The following ZNF264 variants were observed in gnomAD, a reference collection of about 807,000 sequenced individuals.
ZNF264 encodes zinc finger protein 264.
A neutral mutation model predicts 11.2 loss-of-function variants in ZNF264; 11 were observed. That is an observed-to-expected ratio of 0.98 (90% CI 0.62 to 1.63). The LOEUF (loss-of-function observed/expected upper bound fraction) is 1.63, where lower values mean the gene tolerates loss of function less well. ZNF264 is among the 40% of genes most tolerant of loss of function. The probability of loss-of-function intolerance (pLI) is 0.00; values close to 1 mark genes in which losing one functional copy is unlikely to be tolerated. For synonymous variants in ZNF264, 309 were observed against 279.8 expected (o/e 1.10, Z -1.04); for missense variants, 752 against 768.1 (o/e 0.98, Z 0.25).
In ZNF264 at chr19:57,212,986, A is replaced by G. The variant is rs750313428; in HGVS notation, c.*5A>G. ...CCACAAGTGTCTTCACTGTGAGAAA[A>G]CCTTCTGTTGCTGAATATTACTTGT... On this transcript the variant is annotated 3_prime_UTR_variant, in exon 4 of 4. Coordinates refer to ENST00000263095, the MANE Select transcript of ZNF264 (RefSeq NM_003417.5). 1.9e-6 allele frequency: 3 copies of G among 1,598,374 alleles called. No individual in the cohort carries two copies. The highest frequency in any genetic ancestry group is 2.6e-6 in the Non-Finnish European group (3 of 1,170,294).
chr19:57,203,182 A>G (rs2122748880), intron 2 of ZNF264, among the ~76,000 whole-genome samples: 1 of 152,230 alleles, frequency 6.6e-6, no homozygotes, highest in African/African-American at 2.4e-5. Context: ...GAGTAATTTC[A>G]GTGAGGTTTG....
chr19:57,212,603 G>A lies in ZNF264; in HGVS notation c.1506G>A (p.Lys502=), dbSNP rs1317135287. The A allele has an allele frequency of 6.2e-7, 1 of 1,614,036 alleles. No individual in the cohort carries two copies. Among genetic ancestry groups the A allele is most frequent in the Admixed American group, 1.7e-5 (1 of 60,008 alleles). ...GCATGTCGGGCCTCACGAGGCACAA[G>A]CGGATTCATAGTGGAGAGAAGCCCT... ...FTRMSGLTRH[K]RIHSGEKPYE... is the part of the protein sequence containing the mutation. Residue 502 remains lysine, a synonymous_variant, in exon 4 of 4, where the codon AAG becomes AAA. Coordinates refer to ENST00000263095, the MANE Select transcript of ZNF264 (RefSeq NM_003417.5).
At chr19:57,192,661 G>C in intron 1 of ZNF264, 1 of 731,738 alleles carries the variant, frequency 1.4e-6, no homozygotes, top group Non-Finnish European at 1.7e-6. Context: ...CGTTCCCCAA[G>C]TAGATGCAGC....
chr19:57,192,506 C>T, intron 1 of ZNF264: 1 of 985,360 alleles, frequency 1.0e-6, no homozygotes, highest in African/African-American at 1.7e-5. Context: ...TTCCGTGGCC[C>T]CAAAGTATCC....
intron 2 of ZNF264, among the ~76,000 whole-genome samples, chr19:57,194,562 C>T (rs961183441): frequency 1.3e-5 from 2 of 152,216 alleles, no homozygotes; most frequent in Non-Finnish European, 2.9e-5. Flanking sequence ...AGCTGAAGAA[C>T]TTGGTGTCCA....
chr19:57,192,787 A>G (rs930143488), intron 1 of ZNF264, among the ~76,000 whole-genome samples: 2 of 152,092 alleles, frequency 1.3e-5, no homozygotes, highest in African/African-American at 4.8e-5. Flanking sequence ...GCTGGAGTAC[A>G]GTGGTGCACT....
chr19:57,211,218 C>A, intron 3 of ZNF264, 136 bp from the exon 4 acceptor site: 1 of 937,418 alleles, frequency 1.1e-6, no homozygotes, highest in Non-Finnish European at 1.5e-6. Context: ...AAATTGCAAA[C>A]CCAAGAATTT....
intron 1 of ZNF264, among the ~76,000 whole-genome samples, chr19:57,192,795 A>T (rs1456838297): frequency 6.6e-6 from 1 of 151,758 alleles, no homozygotes; most frequent in Non-Finnish European, 1.5e-5. Context: ...ACAGTGGTGC[A>T]CTCTCAGCTC....
chr19:57,194,707 A>G, intron 2 of ZNF264: 1 of 398,094 alleles, frequency 2.5e-6, no homozygotes, highest in Non-Finnish European at 4.4e-6. Flanking sequence ...GTGCCCACCC[A>G]GATTAAGGGG....
Position 57,212,160 on chromosome 19 carries a change from A to G in ZNF264, c.1063A>G (p.Arg355Gly), listed in dbSNP as rs2087342898. The G allele has an allele frequency of 1.1e-5, 18 of 1,614,170 alleles. No individual in the cohort carries two copies. The highest frequency in any genetic ancestry group is 1.6e-4 in the Middle Eastern group (1 of 6,062). ...CLECGKVFKH[R>G]SYLMWHQQTH... Reference sequence around the variant, plus strand: ...GGAGTGTGGCAAGGTCTTCAAACACAGGTCATATCTCATGTGGCACCAGCA... The same window carrying G: ...GGAGTGTGGCAAGGTCTTCAAACACGGGTCATATCTCATGTGGCACCAGCA... Residue 355 changes from arginine to glycine, a missense_variant, in exon 4 of 4, where the codon AGG becomes GGG. Transcript: ENST00000263095.
intron 2 of ZNF264, among the ~76,000 whole-genome samples, chr19:57,199,646 T>A (rs2087236723): frequency 6.6e-6 from 1 of 151,832 alleles, no homozygotes. Flanking sequence ...ACCCTTAATA[T>A]CCATTCCCGT....
At chr19:57,203,597 T>A (rs2087269220) in intron 2 of ZNF264, among the ~76,000 whole-genome samples, 1 of 152,154 alleles carries the variant, frequency 6.6e-6, no homozygotes, top group Admixed American at 6.6e-5. Context: ...TTTTATGAAA[T>A]GTTGGTGAGA....
In ZNF264 at chr19:57,212,328, C is replaced by T. The variant is rs554438584; in HGVS notation, c.1231C>T (p.Arg411Ter). The T allele has an allele frequency of 9.3e-6, 15 of 1,606,274 alleles. No homozygotes were observed. The highest frequency in any genetic ancestry group is 1.1e-5 in the South Asian group (1 of 90,694). ...CLECGKAFNH[R>*]SYLKRHQRIH... is the part of the protein sequence containing the mutation. ...CGAGTGTGGGAAGGCTTTCAACCAC[C>T]GATCCTACCTCAAGAGGCACCAGCG... Residue 411 changes from arginine (R) to a stop codon, truncating the protein, a stop_gained, in exon 4 of 4, where the codon CGA (arginine) becomes TGA (stop). Transcript: ENST00000263095. LOFTEE classifies it low-confidence loss of function (END_TRUNC).
chr19:57,205,107 A>T (rs1300699735), intron 2 of ZNF264, among the ~76,000 whole-genome samples: 2 of 152,148 alleles, frequency 1.3e-5, no homozygotes. Context: ...TAAGACTTAG[A>T]TCAATGAAAT....
At chr19:57,203,460 T>A (rs2087268063) in intron 2 of ZNF264, among the ~76,000 whole-genome samples, 1 of 152,190 alleles carries the variant, frequency 6.6e-6, no homozygotes, top group Non-Finnish European at 1.5e-5. Flanking sequence ...ATGACTACTG[T>A]ATTTTCATCT....
In ZNF264 at chr19:57,218,992, T is replaced by G. The variant is rs2087399129; in HGVS notation, c.*6011T>G. The G allele has an allele frequency of 6.6e-6, 1 of 152,216 alleles. No individual in the cohort carries two copies. The highest frequency in any genetic ancestry group is 2.1e-4 in the South Asian group (1 of 4,828). 9.4% of individuals were successfully genotyped at this position (152,216 alleles called of 1,614,324 possible). On this transcript the variant is annotated 3_prime_UTR_variant, in exon 4 of 4. Transcript: ENST00000263095. ...AGAAAGCCCACAGTCTTCTGAGTTG[T>G]GCTACACCAATATTTCTATGAACAG... is the stretch of plus-strand genomic sequence containing the variant.
intron 2 of ZNF264, among the ~76,000 whole-genome samples, chr19:57,197,548 G>T (rs959346054): frequency 1.3e-5 from 2 of 151,864 alleles, no homozygotes; most frequent in African/African-American, 4.9e-5. Flanking sequence ...GGGTCTTAGG[G>T]GCCAAGTGGC....
intron 1 of ZNF264, chr19:57,192,420 A>G (rs542057800): frequency 4.7e-4 from 459 of 985,388 alleles, no homozygotes; most frequent in Non-Finnish European, 5.3e-4. Context: ...GCCATCCGCA[A>G]CTACTGCAGA....
chr19:57,212,053 A>C lies in ZNF264; in HGVS notation c.956A>C (p.Glu319Ala), dbSNP rs757506200. 6.2e-7 allele frequency: 1 copy of C among 1,614,032 alleles called. No homozygotes were observed. Among genetic ancestry groups the C allele is most frequent in the South Asian group, 1.1e-5 (1 of 91,070 alleles). Residue 319 changes from glutamate (E) to alanine (A), a missense_variant, in exon 4 of 4, where the codon GAA becomes GCA. Coordinates refer to ENST00000263095, the MANE Select transcript of ZNF264 (RefSeq NM_003417.5). ...HTGEKSFVCT[E>A]CGQVFRHRPG... is the part of the protein sequence containing the mutation. ...GGAGAAAAATCCTTTGTGTGCACAG[A>C]ATGTGGCCAAGTCTTTCGACATAGG... is the stretch of plus-strand genomic sequence containing the variant.
Sources: gnomAD v4.1 joint callset for allele counts (sites outside exome capture counted in the v4.1 genomes callset) on GRCh38, gnomAD v4.1.1 for gene constraint, MANE v1.5 for transcripts, NCBI Gene and HGNC (gene_info 2026-07-23, HGNC 2026-07-21) for gene names.